The following ZNF800 variants were observed in gnomAD, a reference collection of about 807,000 sequenced individuals.
ZNF800 encodes the protein zinc finger protein 800.
A neutral mutation model predicts 59.5 loss-of-function variants in ZNF800; 13 were observed. That is an observed-to-expected ratio of 0.22 (90% CI 0.14 to 0.35). The LOEUF (loss-of-function observed/expected upper bound fraction) is 0.35, where lower values mean the gene tolerates loss of function less well. Among genes scored for constraint, ZNF800 ranks in the 10% least tolerant of loss-of-function variants. The pLI, the probability that ZNF800 is intolerant of heterozygous loss-of-function variation, is 1.00. For synonymous variants in ZNF800, 266 were observed against 265.7 expected (o/e 1.00, Z -0.01); for missense variants, 621 against 783.7 (o/e 0.79, Z 2.48).
rs777070308 is a variant in ZNF800 at position 127,373,979 on chromosome 7, GTTTAAC to G, written c.1351_1356del (p.Val451_Lys452del). On this transcript the variant is annotated inframe_deletion, in exon 5 of 6. Coordinates refer to ENST00000265827, the MANE Select transcript of ZNF800 (RefSeq NM_176814.5). Reference sequence around the variant, plus strand: ...GTTGATTTAGGGCTTTCAGAGTCTTGTTTAACTTTATTTTTCTGTGCTGCCGGTGTG... The same window carrying G: ...GTTGATTTAGGGCTTTCAGAGTCTTGTTTATTTTTCTGTGCTGCCGGTGTG... 5.0e-6 allele frequency: 8 copies of G among 1,613,782 alleles called. No individual in the cohort carries two copies. In the South Asian group the frequency reaches 6.6e-5, roughly 13 times the overall value.
At chr7:127,352,301 CTAAG>C (rs1357547891) in intron 1 of ZNF800, among the ~76,000 whole-genome samples, 1 of 152,068 alleles carries the variant, frequency 6.6e-6, no homozygotes, top group Non-Finnish European at 1.5e-5. Flanking sequence ...AGGAATTGGG[CTAAG>C]TGTTTTACAT....
intron 1 of ZNF800, chr7:127,361,411 T>G (rs1223992233): frequency 6.6e-6 from 1 of 151,906 alleles, no homozygotes; most frequent in African/African-American, 2.4e-5. Flanking sequence ...ACCTCATCTC[T>G]ACAGAAAATA....
chr7:127,343,120 C>T (rs1799997338), downstream of ZNF800, among the ~76,000 whole-genome samples: 1 of 151,694 alleles, frequency 6.6e-6, no homozygotes, highest in South Asian at 2.1e-4. Context: ...CTTACGTGTC[C>T]TATTATTAAA....
chr7:127,368,942 C>T (rs1800569042), downstream of ZNF800, among the ~76,000 whole-genome samples: 2 of 150,028 alleles, frequency 1.3e-5, no homozygotes, highest in Non-Finnish European at 3.0e-5. Context: ...CAAAACTAGA[C>T]AAAAAACTAA....
intron 3 of ZNF800, among the ~76,000 whole-genome samples, chr7:127,381,498 T>G (rs115011491): frequency 0.015 from 2,287 of 152,120 alleles, 64 homozygotes; most frequent in African/African-American, 0.053. Context: ...TTAAGTAGAA[T>G]ACAATTATCT....
intron 2 of ZNF800, among the ~76,000 whole-genome samples, chr7:127,390,725 A>G (rs1801283402): frequency 6.6e-6 from 1 of 152,216 alleles, no homozygotes; most frequent in Non-Finnish European, 1.5e-5. Flanking sequence ...TATGCATTCA[A>G]TGATTCCCTT....
chr7:127,378,946 T>G lies in ZNF800; in HGVS notation c.158-1617A>C, dbSNP rs574121728. On this transcript the variant is annotated intron_variant, in intron 3 of 5. Coordinates refer to ENST00000265827, the MANE Select transcript of ZNF800 (RefSeq NM_176814.5). ...ACCTAACCAAACCTAAGTTGAAGAA[T>G]TATTAAAGAAAATATGAACCTAAAT... Among the ~76,000 whole-genome samples, 6 of 152,232 alleles carry G rather than the reference T, an allele frequency of 3.9e-5. No individual in the cohort carries two copies. The South Asian group carries it at 1.2e-3, about 32-fold the overall frequency.
downstream of ZNF800, among the ~76,000 whole-genome samples, chr7:127,342,973 A>G (rs1201246086): frequency 6.6e-6 from 1 of 152,138 alleles, no homozygotes; most frequent in East Asian, 1.9e-4. Context: ...ACCTCACAAT[A>G]CTATCCTAAA....
At chr7:127,356,271 A>C (rs148061005) in intron 1 of ZNF800, among the ~76,000 whole-genome samples, 1 of 150,654 alleles carries the variant, frequency 6.6e-6, no homozygotes, top group African/African-American at 2.4e-5. Flanking sequence ...GTGTGTGTGT[A>C]TGTGTGTGTG....
Position 127,351,063 on chromosome 7 carries a change from T to C in ZNF800, n.225-3020A>G, listed in dbSNP as rs560269073. Among the ~76,000 whole-genome samples the C allele has an allele frequency of 5.9e-5, 9 of 152,274 alleles. No individual in the cohort carries two copies. In the South Asian group the frequency reaches 1.9e-3, roughly 32 times the overall value. ...CATTCATTTGCATGCTGAAGAGAAATATGCAGAGCTGCCCATTTCTTCCAA... is the reference window on the plus strand; with the variant it reads ...CATTCATTTGCATGCTGAAGAGAAACATGCAGAGCTGCCCATTTCTTCCAA... On this transcript the variant is annotated intron_variant and non_coding_transcript_variant, in intron 1 of 1. Coordinates refer to the ZNF800 transcript ENST00000485577.
chr7:127,345,920 C>A (rs1315532336), downstream of ZNF800, among the ~76,000 whole-genome samples: 1 of 152,068 alleles, frequency 6.6e-6, no homozygotes, highest in East Asian at 1.9e-4. Flanking sequence ...ATGGAGAAGA[C>A]GTGCACGAGG....
chr7:127,380,853 C>T (rs1800957730), intron 3 of ZNF800, among the ~76,000 whole-genome samples: 1 of 152,176 alleles, frequency 6.6e-6, no homozygotes, highest in African/African-American at 2.4e-5. Flanking sequence ...ACCTTTCAAA[C>T]ATCCAGCCCT....
downstream of ZNF800, among the ~76,000 whole-genome samples, chr7:127,345,349 G>C (rs554924974): frequency 5.9e-5 from 9 of 152,042 alleles, no homozygotes; most frequent in African/African-American, 2.2e-4. Flanking sequence ...TTGAGATACA[G>C]GATTAGAGTG....
rs982016071 is a variant in ZNF800 at position 127,377,139 on chromosome 7, A to T, written c.301+47T>A. The T allele has an allele frequency of 5.2e-6, 8 of 1,524,322 alleles. No homozygotes were observed. Among genetic ancestry groups the T allele is most frequent in the Non-Finnish European group, 6.2e-6 (7 of 1,124,774 alleles). The allele number at this position is 1,524,322 out of a possible 1,614,324, so 94.4% of individuals were successfully genotyped here. On this transcript the variant is annotated intron_variant, in intron 4 of 5. Transcript: ENST00000265827. This position sits in a 1 kb window ranked among gnomAD's most constrained non-coding sequence, Gnocchi z 4.7. ...TGCAAATGTATACTTGCAGTATAAG[A>T]ATACTTAGCTGTAAAATGCATAACT...
chr7:127,390,582 A>G (rs942163642), intron 2 of ZNF800, among the ~76,000 whole-genome samples: 13 of 152,226 alleles, frequency 8.5e-5, no homozygotes, highest in East Asian at 5.8e-4. Flanking sequence ...ATCCAAGTAC[A>G]TAAGTGCAGT....
At chr7:127,358,806 C>A (rs1431566762) in intron 1 of ZNF800, among the ~76,000 whole-genome samples, 1 of 152,120 alleles carries the variant, frequency 6.6e-6, no homozygotes, top group Non-Finnish European at 1.5e-5. Context: ...GTACCTGACT[C>A]AGTGCCTCGC....
chr7:127,379,854 C>CCCCCA (rs1562907492), intron 3 of ZNF800, among the ~76,000 whole-genome samples: 1 of 68,486 alleles, frequency 1.5e-5, no homozygotes, highest in East Asian at 5.1e-4. Context: ...ACCCCCCCAC[C>CCCCCA]CCCCCCACAC....
chr7:127,376,547 A>G (rs751769473), intron 4 of ZNF800, among the ~76,000 whole-genome samples: 3 of 151,976 alleles, frequency 2.0e-5, no homozygotes, highest in Non-Finnish European at 4.4e-5. Context: ...TTAGTCTGCT[A>G]TCTGCCTTTA....
At chr7:127,384,301 T>C (rs1436455657) in intron 3 of ZNF800, among the ~76,000 whole-genome samples, 1 of 143,582 alleles carries the variant, frequency 7.0e-6, no homozygotes, top group Non-Finnish European at 1.5e-5. Flanking sequence ...TGGCGCTATC[T>C]TGGCTCACTG....
Sources: allele counts gnomAD v4.1 joint callset (sites outside exome capture counted in the v4.1 genomes callset), GRCh38; gene constraint gnomAD v4.1.1; non-coding constraint Gnocchi (gnomAD v3.1); transcripts MANE v1.5; gene names NCBI Gene and HGNC (gene_info 2026-07-23, HGNC 2026-07-21).